Variants in GALNT13 observed in about 807,000 individuals in gnomAD.
GALNT13 encodes UDP-GalNAc:polypeptide N-acetylgalactosaminyltransferase 13.
A neutral mutation model predicts 64.2 loss-of-function variants in GALNT13; 28 were observed. The ratio of observed to expected loss-of-function variants is 0.44; its 90% confidence interval spans 0.32 to 0.60. The LOEUF is 0.60. Ranked by LOEUF, GALNT13 falls within the 20% of genes least tolerant of loss-of-function variation. The pLI is 0.05. For missense variants in GALNT13, 577 were observed against 669.8 expected, an observed-to-expected ratio of 0.86 and a Z score of 1.53; for synonymous variants, 214 against 224.6, an observed-to-expected ratio of 0.95 and a Z score of 0.42.
At chr2:154,277,669 T>C (rs1180856826) in intron 8 of GALNT13, among the ~76,000 whole-genome samples, 2 of 152,130 alleles carry the variant, frequency 1.3e-5, no homozygotes, top group East Asian at 1.9e-4. Flanking sequence ...AAAAATTGAG[T>C]GGTAAGTACC....
chr2:154,028,641 A>G (rs1159230828), intron 3 of GALNT13, among the ~76,000 whole-genome samples: 1 of 152,064 alleles, frequency 6.6e-6, no homozygotes, highest in Non-Finnish European at 1.5e-5. Flanking sequence ...AAATTTTTTA[A>G]TTGTTTAACT....
At chr2:153,921,784 A>G (rs1254646835) in intron 2 of GALNT13, among the ~76,000 whole-genome samples, 1 of 152,168 alleles carries the variant, frequency 6.6e-6, no homozygotes, top group Admixed American at 6.6e-5. Flanking sequence ...GGCAGAAACA[A>G]TTGACACATG....
chr2:153,943,114 G>A (rs1452866354), intron 2 of GALNT13, among the ~76,000 whole-genome samples: 6 of 152,086 alleles, frequency 3.9e-5, no homozygotes, highest in African/African-American at 1.4e-4. Context: ...ATAAAAGTTG[G>A]TTAACCAGGT....
chr2:153,422,609 A>G, the GALNT13 span, among the ~76,000 whole-genome samples: 1 of 151,998 alleles, frequency 6.6e-6, no homozygotes, highest in Non-Finnish European at 1.5e-5. Flanking sequence ...ATTCTTTTAA[A>G]TAAACTAATA....
chr2:153,441,132 T>C, the GALNT13 span, among the ~76,000 whole-genome samples: 1 of 152,202 alleles, frequency 6.6e-6, no homozygotes, highest in Non-Finnish European at 1.5e-5. Flanking sequence ...GTATGAGGTG[T>C]AAGGAAGGGG....
intron 3 of GALNT13, among the ~76,000 whole-genome samples, chr2:154,062,719 C>T (rs867163352): frequency 6.6e-6 from 1 of 152,160 alleles, no homozygotes; most frequent in Non-Finnish European, 1.5e-5. Flanking sequence ...AGCGGAATTA[C>T]AATTCGACAT....
At chr2:153,150,867 TTA>T in the GALNT13 span, among the ~76,000 whole-genome samples, 1 of 152,166 alleles carries the variant, frequency 6.6e-6, no homozygotes, top group Non-Finnish European at 1.5e-5. Flanking sequence ...GCTATTTTAG[TTA>T]CTGTAGCCTT....
In GALNT13 at chr2:154,204,635, A is replaced by T. The variant is rs182025486; in HGVS notation, c.312-37395A>T. ...GTGATGGACCTTTTACCATTCTCCAAATCCATAAGATAAAGTCAAAAGTCC... is the reference window on the plus strand; with the variant it reads ...GTGATGGACCTTTTACCATTCTCCATATCCATAAGATAAAGTCAAAAGTCC... On this transcript the variant is annotated intron_variant, in intron 4 of 12. Coordinates refer to ENST00000392825, the MANE Select transcript of GALNT13 (RefSeq NM_052917.4). 3.2e-4 allele frequency among the ~76,000 whole-genome samples: 48 copies of T among 152,322 alleles called. 1 individual carries two copies. Among genetic ancestry groups the T allele is most frequent in the Non-Finnish European group, 1.3e-4 (9 of 68,024 alleles).
the GALNT13 span, among the ~76,000 whole-genome samples, chr2:153,799,586 T>A: frequency 6.6e-6 from 1 of 152,188 alleles, no homozygotes; most frequent in African/African-American, 2.4e-5. Flanking sequence ...CCTATTCAAA[T>A]GCTCTGCCAT....
At chr2:153,257,344 C>A in the GALNT13 span, among the ~76,000 whole-genome samples, 478 of 152,162 alleles carry the variant, frequency 3.1e-3, 8 homozygotes, top group East Asian at 0.038. Context: ...TGACCTGCGC[C>A]CACTGTCTGG....
chr2:153,970,035 A>T (rs979219262), intron 3 of GALNT13, among the ~76,000 whole-genome samples: 1 of 152,186 alleles, frequency 6.6e-6, no homozygotes, highest in African/African-American at 2.4e-5. Flanking sequence ...TTAGGTGTTT[A>T]CTACGTAGCA....
the GALNT13 span, among the ~76,000 whole-genome samples, chr2:153,116,131 A>G: frequency 2.6e-5 from 4 of 152,200 alleles, no homozygotes; most frequent in Admixed American, 6.5e-5. Context: ...TAATAAGCCA[A>G]TCTAAATTGG....
chr2:153,986,193 G>A (rs1275689958), intron 3 of GALNT13, among the ~76,000 whole-genome samples: 1 of 151,902 alleles, frequency 6.6e-6, no homozygotes, highest in East Asian at 1.9e-4. Context: ...ACCGTCAAAT[G>A]GTACATGCAT....
At chr2:154,040,458 C>A (rs1401978373) in intron 3 of GALNT13, among the ~76,000 whole-genome samples, 1 of 140,434 alleles carries the variant, frequency 7.1e-6, no homozygotes, top group Non-Finnish European at 1.6e-5. Context: ...ATCATATTGT[C>A]TTGGTTCAAT....
intron 2 of GALNT13, among the ~76,000 whole-genome samples, chr2:153,932,783 A>G (rs1325227870): frequency 6.6e-6 from 1 of 151,590 alleles, no homozygotes; most frequent in Non-Finnish European, 1.5e-5. Flanking sequence ...GCCTGCCACC[A>G]CGCCTGGCTA....
At chr2:153,847,516 A>G in the GALNT13 span, among the ~76,000 whole-genome samples, 8 of 152,120 alleles carry the variant, frequency 5.3e-5, no homozygotes, top group Non-Finnish European at 8.8e-5. Flanking sequence ...AAAAACTCAT[A>G]CAGAGTTAAT....
intron 3 of GALNT13, among the ~76,000 whole-genome samples, chr2:154,040,097 C>A (rs932006037): frequency 7.1e-6 from 1 of 140,776 alleles, no homozygotes; most frequent in Admixed American, 7.1e-5. Flanking sequence ...ACATATCTGT[C>A]AGACACTTGA....
intron 4 of GALNT13, among the ~76,000 whole-genome samples, chr2:154,158,415 T>C (rs1351796870): frequency 6.6e-6 from 1 of 152,204 alleles, no homozygotes; most frequent in East Asian, 1.9e-4. Flanking sequence ...AATATTTTAG[T>C]CTAAGCTGCT....
chr2:154,025,147 C>A (rs1416015059), intron 3 of GALNT13, among the ~76,000 whole-genome samples: 1 of 152,092 alleles, frequency 6.6e-6, no homozygotes, highest in African/African-American at 2.4e-5. Context: ...GTCATGGACC[C>A]ACTTGAGGAG....
Sources: allele counts gnomAD v4.1 joint callset (sites outside exome capture counted in the v4.1 genomes callset), GRCh38; gene constraint gnomAD v4.1.1; transcripts MANE v1.5; gene names NCBI Gene and HGNC (gene_info 2026-07-23, HGNC 2026-07-21).